EHD3: variants seen among roughly 807,000 people sequenced by gnomAD.
The protein encoded by EHD3 is EH domain containing 3.
Under a neutral mutation model 43.0 loss-of-function variants are expected in EHD3, and 17 were observed. The observed-to-expected ratio is 0.40, with a 90% CI of 0.27 to 0.59. The LOEUF (loss-of-function observed/expected upper bound fraction) is 0.59, where lower values mean the gene tolerates loss of function less well. Among genes scored for constraint, EHD3 ranks in the 20% least tolerant of loss-of-function variants. The probability of loss-of-function intolerance (pLI) is 0.49; values close to 1 mark genes in which losing one functional copy is unlikely to be tolerated. For missense variants in EHD3, 594 were observed against 705.6 expected, an observed-to-expected ratio of 0.84 and a Z score of 1.79; for synonymous variants, 313 against 289.5, an observed-to-expected ratio of 1.08 and a Z score of -0.82.
At position 31,260,988 on chromosome 2, in the gene EHD3, A is replaced by C; in HGVS notation, c.915+66A>C. On this transcript the variant is annotated intron_variant, in intron 4 of 5. Transcript: ENST00000322054. The surrounding 1 kb of genome is among the most constrained non-coding windows in gnomAD (Gnocchi z 4.6). ...CCCAGAGTTTGGGGTCAGCTGCACG[A>C]GCTGAGGGTTGCTGCCTCCAACAGC... 1.3e-6 allele frequency: 2 copies of C among 1,521,576 alleles called. No individual in the cohort carries two copies. Among genetic ancestry groups the C allele is most frequent in the Non-Finnish European group, 1.8e-6 (2 of 1,131,832 alleles). The allele number at this position is 1,521,576 out of a possible 1,614,324, so 94.3% of individuals were successfully genotyped here.
rs1398495280 is a variant in EHD3, at chr2:31,249,429, C to A, written c.463C>A (p.Pro155Thr). 1 of 1,614,126 alleles carries A rather than the reference C, an allele frequency of 6.2e-7. No individual in the cohort carries two copies. The highest frequency in any genetic ancestry group is 1.7e-5 in the Admixed American group (1 of 60,018). The change falls in exon 3 of 6, where the codon CCA (proline) becomes ACA (threonine). Residue 155 changes from proline to threonine, a missense_variant. Coordinates refer to ENST00000322054, the MANE Select transcript of EHD3 (RefSeq NM_014600.3). ...GGAGAGCATCAGCGTCATCGACACA[C>A]CAGGGATCCTCTCTGGGGAGAAGCA... is the stretch of plus-strand genomic sequence containing the variant. ...VLESISVIDT[P>T]GILSGEKQRI...
At chr2:31,242,852 C>A (rs572769422) in intron 1 of EHD3, among the ~76,000 whole-genome samples, 1 of 151,810 alleles carries the variant, frequency 6.6e-6, no homozygotes, top group Non-Finnish European at 1.5e-5. Context: ...CCCAGCTACT[C>A]GGGAGGCTGA....
intron 1 of EHD3, among the ~76,000 whole-genome samples, chr2:31,241,998 C>G (rs1024348389): frequency 3.3e-5 from 5 of 152,224 alleles, no homozygotes; most frequent in African/African-American, 4.8e-5. Context: ...TGAAACCCAT[C>G]TGTGCCCTGT....
chr2:31,247,682 G>A (rs188401014), intron 2 of EHD3, among the ~76,000 whole-genome samples: 3 of 152,280 alleles, frequency 2.0e-5, no homozygotes, highest in African/African-American at 7.2e-5. Context: ...TTCTGTGGGG[G>A]AATATAAGGC....
rs1250539863 is a variant in EHD3, at chr2:31,266,281, G to T, written c.1185G>T (p.Val395=). The T allele has an allele frequency of 2.5e-6, 4 of 1,614,208 alleles. No individual in the cohort carries two copies. The South Asian group carries it at 4.4e-5, about 18-fold the overall frequency. The change falls in exon 6 of 6, where the codon GTG becomes GTT. Residue 395 remains valine, a synonymous_variant. Transcript: ENST00000322054. This position sits in a 1 kb window ranked among gnomAD's most constrained non-coding sequence, Gnocchi z 5.1. ...CCCATGACATTGCCCAGCTCATGGT[G>T]CTAGTGCGCCAGGAGGAGTCACAGC... is the stretch of plus-strand genomic sequence containing the variant. ...MLAHDIAQLM[V]LVRQEESQRP...
chr2:31,256,817 G>GT (rs1558650997), intron 3 of EHD3, among the ~76,000 whole-genome samples: 2 of 152,190 alleles, frequency 1.3e-5, no homozygotes, highest in African/African-American at 4.8e-5. Flanking sequence ...TGGTGGAGGC[G>GT]TGGCTACAGT....
intron 2 of EHD3, among the ~76,000 whole-genome samples, chr2:31,246,083 G>T (rs1209999561): frequency 1.3e-5 from 2 of 152,136 alleles, no homozygotes; most frequent in Non-Finnish European, 2.9e-5. Flanking sequence ...CTGGCAGAGA[G>T]AGAGGCCCAG....
intron 3 of EHD3, among the ~76,000 whole-genome samples, chr2:31,259,617 T>A (rs894774073): frequency 9.9e-5 from 15 of 151,926 alleles, no homozygotes; most frequent in South Asian, 2.1e-4. Context: ...GTTTCAAGAG[T>A]TGGGAATTTT....
chr2:31,248,041 G>A (rs1033420988), intron 2 of EHD3, among the ~76,000 whole-genome samples: 8 of 152,160 alleles, frequency 5.3e-5, no homozygotes, highest in African/African-American at 1.4e-4. Context: ...CCATTGAAAC[G>A]ACAACAGGGA....
intron 3 of EHD3, among the ~76,000 whole-genome samples, chr2:31,254,240 C>G (rs1192630207): frequency 6.6e-6 from 1 of 152,160 alleles, no homozygotes; most frequent in African/African-American, 2.4e-5. Context: ...GAGGGCAAAC[C>G]TCTCATCTCC....
chr2:31,249,739 C>G (rs1241163460), intron 3 of EHD3, among the ~76,000 whole-genome samples: 1 of 152,128 alleles, frequency 6.6e-6, no homozygotes, highest in Non-Finnish European at 1.5e-5. Context: ...TCAGTCTTAC[C>G]TCGTTGGGTT....
At chr2:31,246,005 T>C (rs1209592817) in intron 2 of EHD3, among the ~76,000 whole-genome samples, 1 of 151,990 alleles carries the variant, frequency 6.6e-6, no homozygotes, top group African/African-American at 2.4e-5. Context: ...GAACTGTGAG[T>C]GGCCAAGGTG....
intron 3 of EHD3, among the ~76,000 whole-genome samples, chr2:31,251,590 T>C (rs905656176): frequency 6.6e-6 from 1 of 152,132 alleles, no homozygotes; most frequent in Non-Finnish European, 1.5e-5. Context: ...CTGTAATTGG[T>C]GGCCTGTGAA....
intron 5 of EHD3, among the ~76,000 whole-genome samples, chr2:31,262,086 G>A (rs1053083735): frequency 2.6e-5 from 4 of 152,202 alleles, no homozygotes; most frequent in Non-Finnish European, 5.9e-5. Context: ...TAAAGTGCTC[G>A]AGTTTACATC....
intron 5 of EHD3, among the ~76,000 whole-genome samples, chr2:31,265,439 C>G (rs1683931950): frequency 6.6e-6 from 1 of 152,188 alleles, no homozygotes; most frequent in Non-Finnish European, 1.5e-5. Context: ...TCCCAGCTCC[C>G]TTATTGTCTT....
intron 3 of EHD3, among the ~76,000 whole-genome samples, chr2:31,252,057 C>T (rs1169997498): frequency 1.3e-5 from 2 of 152,158 alleles, no homozygotes; most frequent in Admixed American, 1.3e-4. Flanking sequence ...ACCAGCGGGT[C>T]CAGAGAGGAC....
chr2:31,266,169 C>T lies in EHD3; in HGVS notation c.1081-8C>T, dbSNP rs1683946958. 1.2e-6 allele frequency: 2 copies of T among 1,603,086 alleles called. No homozygotes were observed. Among genetic ancestry groups the T allele is most frequent in the Non-Finnish European group, 1.7e-6 (2 of 1,172,570 alleles). ...TCCTATCTTCATCCTCTCTCCTCCTCTTCCCAGGACCAGCTGCAGGCCCAG... is the reference window on the plus strand; with the variant it reads ...TCCTATCTTCATCCTCTCTCCTCCTTTTCCCAGGACCAGCTGCAGGCCCAG... On this transcript the variant is annotated splice_region_variant and splice_polypyrimidine_tract_variant and intron_variant, in intron 5 of 5. Transcript: ENST00000322054. The surrounding 1 kb of genome is among the most constrained non-coding windows in gnomAD (Gnocchi z 5.1).
At chr2:31,243,606 G>A (rs1157260648) in intron 1 of EHD3, among the ~76,000 whole-genome samples, 1 of 151,512 alleles carries the variant, frequency 6.6e-6, no homozygotes, top group African/African-American at 2.4e-5. Context: ...ACAGGCACCT[G>A]CCACCATGCC....
Position 31,249,365 on chromosome 2 carries a change from A to T in EHD3, c.405-6A>T, listed in dbSNP as rs748592296. ...GTACTCACCCAGGTTACCTCTGCCC[A>T]TGCAGGTTCGTGTGTGCCCAGCTAC... On this transcript the variant is annotated splice_region_variant and splice_polypyrimidine_tract_variant and intron_variant, in intron 2 of 5. Coordinates refer to ENST00000322054, the MANE Select transcript of EHD3 (RefSeq NM_014600.3). 2 of 1,614,014 alleles carry T rather than the reference A, an allele frequency of 1.2e-6. No homozygotes were observed. Among genetic ancestry groups the T allele is most frequent in the Non-Finnish European group, 1.7e-6 (2 of 1,179,900 alleles).
Sources: gnomAD v4.1 joint callset for allele counts (sites outside exome capture counted in the v4.1 genomes callset) on GRCh38, gnomAD v4.1.1 for gene constraint, Gnocchi (gnomAD v3.1) non-coding constraint, MANE v1.5 for transcripts, NCBI Gene and HGNC (gene_info 2026-07-23, HGNC 2026-07-21) for gene names.